The following TP63 variants were observed in gnomAD, a reference collection of about 807,000 sequenced individuals.
TP63 encodes the protein tumor protein 63.
Under a neutral mutation model 82.8 loss-of-function variants are expected in TP63, and 17 were observed. The ratio of observed to expected loss-of-function variants is 0.21; its 90% CI spans 0.14 to 0.31. TP63 has a LOEUF of 0.31. Among genes scored for constraint, TP63 ranks in the 10% least tolerant of loss-of-function variants. TP63 has a pLI of 1.00. For synonymous variants in TP63, 330 were observed against 321.7 expected (o/e 1.03, Z -0.28); for missense variants, 648 against 895.3 (o/e 0.72, Z 3.52).
At chr3:189,692,385 C>A (rs1717003625) in intron 1 of TP63, among the ~76,000 whole-genome samples, 1 of 149,938 alleles carries the variant, frequency 6.7e-6, no homozygotes, top group East Asian at 1.9e-4. Context: ...TTTTTATTTC[C>A]ATCTCGTCTT....
intron 1 of TP63, among the ~76,000 whole-genome samples, chr3:189,672,382 C>T (rs1020468964): frequency 4.6e-5 from 7 of 152,044 alleles, no homozygotes; most frequent in Admixed American, 3.3e-4. Context: ...AGGAAGATCA[C>T]TTGAGTTCCG....
chr3:189,704,811 C>G (rs1025892741), intron 1 of TP63, among the ~76,000 whole-genome samples: 3 of 152,102 alleles, frequency 2.0e-5, no homozygotes, highest in African/African-American at 7.2e-5. Context: ...GTGTTGGCCA[C>G]TAGAAAATGC....
chr3:189,822,900 G>A lies in TP63; in HGVS notation c.579+14374G>A, dbSNP rs186883237. ...GATTGCAGCAGAAAATGAATGGTCA[G>A]GGTTCTCTAGGGGTGGCTGCACTGC... On this transcript the variant is annotated intron_variant, in intron 4 of 13. Coordinates refer to ENST00000264731, the MANE Select transcript of TP63 (RefSeq NM_003722.5). 1.4e-4 allele frequency among the ~76,000 whole-genome samples: 22 copies of A among 152,294 alleles called. No individual in the cohort carries two copies. In the East Asian group the frequency reaches 4.2e-3, roughly 29 times the overall value.
chr3:189,804,567 A>C (rs930348548), intron 3 of TP63, among the ~76,000 whole-genome samples: 3 of 152,230 alleles, frequency 2.0e-5, no homozygotes, highest in African/African-American at 7.2e-5. Context: ...CTTGGCTTCC[A>C]ATTGTACCCT....
chr3:189,792,761 A>G (rs1725287937), intron 3 of TP63, among the ~76,000 whole-genome samples: 1 of 152,026 alleles, frequency 6.6e-6, no homozygotes, highest in Admixed American at 6.6e-5. Context: ...GATGCTCCAA[A>G]ACAGTTTCCA....
the TP63 span, among the ~76,000 whole-genome samples, chr3:189,613,641 G>T: frequency 6.6e-6 from 1 of 152,174 alleles, no homozygotes; most frequent in Non-Finnish European, 1.5e-5. Context: ...CTGACAGCTT[G>T]CATAGTGCAC....
At chr3:189,803,827 G>A (rs1410437207) in intron 3 of TP63, among the ~76,000 whole-genome samples, 2 of 152,180 alleles carry the variant, frequency 1.3e-5, no homozygotes, top group Non-Finnish European at 2.9e-5. Context: ...TACTTTATAA[G>A]TTTCACAGTA....
intron 5 of TP63, among the ~76,000 whole-genome samples, chr3:189,864,937 G>T (rs940854855): frequency 6.6e-6 from 1 of 152,014 alleles, no homozygotes; most frequent in Non-Finnish European, 1.5e-5. Context: ...AACCCAGGAG[G>T]CCAAGCTTGC....
intron 1 of TP63, 89 bp from the exon 2 acceptor site, chr3:189,737,651 T>A (rs1037088791): frequency 1.5e-5 from 22 of 1,457,850 alleles, no homozygotes; most frequent in Non-Finnish European, 1.6e-5. Context: ...ATTCACTTGA[T>A]GTTTTCATGA....
At chr3:189,730,571 CTGAG>C (rs1720091419) in intron 1 of TP63, among the ~76,000 whole-genome samples, 2 of 152,186 alleles carry the variant, frequency 1.3e-5, no homozygotes, top group African/African-American at 4.8e-5. Context: ...TTACCAACAC[CTGAG>C]TAACAACTTC....
At chr3:189,719,690 G>A (rs993293120) in intron 1 of TP63, among the ~76,000 whole-genome samples, 4 of 152,136 alleles carry the variant, frequency 2.6e-5, no homozygotes, top group East Asian at 1.9e-4. Context: ...GCTTAAACAC[G>A]CTGCAAAAAC....
At chr3:189,610,981 G>A in the TP63 span, among the ~76,000 whole-genome samples, 3 of 152,114 alleles carry the variant, frequency 2.0e-5, no homozygotes, top group South Asian at 4.1e-4. Flanking sequence ...CTTATTTGCT[G>A]TCATAATAAC....
rs2108809424 is a variant in TP63, at chr3:189,869,362, A to G, written c.1168A>G (p.Ile390Val). ...CACACATGGTATCCAGATGACATCC[A>G]TCAAGAAACGAAGATCCCCAGATGA... is the stretch of plus-strand genomic sequence containing the variant. Reference protein sequence around the residue: ...QNTHGIQMTSIKKRRSPDDEL... With the variant: ...QNTHGIQMTSVKKRRSPDDEL... Residue 390 changes from isoleucine to valine, a missense_variant, in exon 9 of 14, where the codon ATC becomes GTC. This residue lies in a region of TP63 where 342 missense variants were observed against 425.7 expected (regional missense o/e 0.80). Transcript: ENST00000264731. 6.2e-7 allele frequency: 1 copy of G among 1,614,098 alleles called. No homozygotes were observed. The highest frequency in any genetic ancestry group is 8.5e-7 in the Non-Finnish European group (1 of 1,179,970).
At chr3:189,798,744 A>T (rs1251831897) in intron 3 of TP63, among the ~76,000 whole-genome samples, 1 of 152,058 alleles carries the variant, frequency 6.6e-6, no homozygotes, top group Non-Finnish European at 1.5e-5. Flanking sequence ...TTTCTCTTAA[A>T]CGTGGTATTC....
intron 1 of TP63, among the ~76,000 whole-genome samples, chr3:189,651,393 A>G (rs1712874195): frequency 6.8e-6 from 1 of 146,184 alleles, no homozygotes; most frequent in African/African-American, 2.6e-5. Context: ...TAAAAATACG[A>G]AAATTAGCTG....
chr3:189,656,787 G>A (rs1248057221), intron 1 of TP63, among the ~76,000 whole-genome samples: 2 of 152,020 alleles, frequency 1.3e-5, no homozygotes, highest in Admixed American at 1.3e-4. Context: ...AGAATACATA[G>A]CAACACTAAA....
intron 6 of TP63, among the ~76,000 whole-genome samples, 161 bp from the exon 7 acceptor site, chr3:189,867,672 A>C (rs1717897995): frequency 6.6e-6 from 1 of 152,214 alleles, no homozygotes; most frequent in Non-Finnish European, 1.5e-5. Context: ...CCCCGCAGGC[A>C]AGATGAAGAA....
At chr3:189,880,358 A>T (rs1719780075) in intron 10 of TP63, 1 of 1,245,182 alleles carries the variant, frequency 8.0e-7, no homozygotes, top group East Asian at 3.1e-5. Context: ...TTTTGAAGGG[A>T]CTCAAACCTT....
intron 1 of TP63, among the ~76,000 whole-genome samples, chr3:189,660,624 T>C (rs1454940467): frequency 1.3e-5 from 2 of 152,122 alleles, no homozygotes; most frequent in Non-Finnish European, 2.9e-5. Flanking sequence ...TTGATAAGGA[T>C]AATGTTGAAT....
Sources: allele counts gnomAD v4.1 joint callset (sites outside exome capture counted in the v4.1 genomes callset), GRCh38; gene constraint gnomAD v4.1.1; regional missense constraint gnomAD v4.1.1; transcripts MANE v1.5; gene names NCBI Gene and HGNC (gene_info 2026-07-23, HGNC 2026-07-21).